The following DIP2B variants were observed in gnomAD, a reference collection of about 807,000 sequenced individuals.
The protein encoded by DIP2B is disco-interacting protein 2 homolog B.
DIP2B carries 76 observed loss-of-function variants against 198.0 expected under a neutral mutation model. The ratio of observed to expected loss-of-function variants is 0.38; its 90% confidence interval spans 0.32 to 0.46. DIP2B has a LOEUF of 0.46. Among genes scored for constraint, DIP2B ranks in the 20% least tolerant of loss-of-function variants. The probability of loss-of-function intolerance (pLI) is 0.99; values close to 1 mark genes in which losing one functional copy is unlikely to be tolerated. For missense variants in DIP2B, 1,559 were observed against 1,978.4 expected (o/e 0.79, Z 4.02); for synonymous variants, 701 against 739.1 (o/e 0.95, Z 0.84).
chr12:50,612,640 G>T (rs1273886820), intron 1 of DIP2B, among the ~76,000 whole-genome samples: 1 of 151,968 alleles, frequency 6.6e-6, no homozygotes, highest in African/African-American at 2.4e-5. Context: ...TGTTGACCAG[G>T]GTTGTCTTGA....
chr12:50,732,408 G>A lies in DIP2B; in HGVS notation c.3853G>A (p.Val1285Met), dbSNP rs1271091176. The A allele has an allele frequency of 6.2e-7, 1 of 1,614,106 alleles. No homozygotes were observed. Among genetic ancestry groups the A allele is most frequent in the East Asian group, 2.2e-5 (1 of 44,896 alleles). Reference protein sequence around the residue: ...NLSCVRTCVVVAEERPRVALQ... With the variant: ...NLSCVRTCVVMAEERPRVALQ... ...CTCCTGCGTCCGGACCTGTGTGGTGGTGGCGGAGGAGAGGCCCCGCGTTGC... is the reference window on the plus strand; with the variant it reads ...CTCCTGCGTCCGGACCTGTGTGGTGATGGCGGAGGAGAGGCCCCGCGTTGC... Residue 1285 changes from valine (V) to methionine (M), a missense_variant, in exon 32 of 38, where the codon GTG becomes ATG. Physicochemically the swap from Val to Met is conservative, Grantham distance 21. Transcript: ENST00000301180.
intron 1 of DIP2B, among the ~76,000 whole-genome samples, chr12:50,585,695 TA>T (rs1958764434): frequency 6.6e-6 from 1 of 152,204 alleles, no homozygotes; most frequent in Non-Finnish European, 1.5e-5. Context: ...GTTTAGTTTT[TA>T]TTCAGAATGT....
At chr12:50,561,662 C>T (rs530651381) in intron 1 of DIP2B, among the ~76,000 whole-genome samples, 1 of 152,226 alleles carries the variant, frequency 6.6e-6, no homozygotes, top group East Asian at 1.9e-4. Flanking sequence ...GGCTGGAATG[C>T]AGTGGCATGA....
intron 1 of DIP2B, among the ~76,000 whole-genome samples, chr12:50,527,029 A>C (rs1252532001): frequency 6.6e-6 from 1 of 152,236 alleles, no homozygotes; most frequent in Non-Finnish European, 1.5e-5. Flanking sequence ...CAGACATTGT[A>C]ATAAAACCAA....
At chr12:50,726,082 G>A (rs1342285324) in intron 28 of DIP2B, among the ~76,000 whole-genome samples, 1 of 152,134 alleles carries the variant, frequency 6.6e-6, no homozygotes, top group Non-Finnish European at 1.5e-5. Flanking sequence ...GCACTTGAGT[G>A]GTCATAGGAG....
chr12:50,658,193 A>C (rs369548059), intron 3 of DIP2B, among the ~76,000 whole-genome samples: 1 of 151,982 alleles, frequency 6.6e-6, no homozygotes, highest in African/African-American at 2.4e-5. Flanking sequence ...CTGGAGTACA[A>C]TGGTGTGATC....
chr12:50,522,398 C>G (rs1958127945), intron 1 of DIP2B, among the ~76,000 whole-genome samples: 1 of 152,150 alleles, frequency 6.6e-6, no homozygotes, highest in Non-Finnish European at 1.5e-5. Flanking sequence ...GGAACCTATC[C>G]CAGCAGCTCA....
chr12:50,542,674 A>T (rs371767193), intron 1 of DIP2B, among the ~76,000 whole-genome samples: 14 of 152,316 alleles, frequency 9.2e-5, no homozygotes, highest in African/African-American at 3.4e-4. Flanking sequence ...GGATTTTAGT[A>T]TGTCATATGT....
rs551718514 is a variant in DIP2B at position 50,676,000 on chromosome 12, T to A, written c.916+552T>A. On this transcript the variant is annotated intron_variant, in intron 7 of 37. Transcript: ENST00000301180. ...GAATACTTAGTTTAAGTATTAAGTA[T>A]CTATCAGCCAATATAGGCACTTCTG... Among the ~76,000 whole-genome samples, 29 of 152,338 alleles carry A rather than the reference T, an allele frequency of 1.9e-4. No homozygotes were observed. In the East Asian group the frequency reaches 5.4e-3, roughly 28 times the overall value.
chr12:50,608,759 A>G (rs946572772), intron 1 of DIP2B, among the ~76,000 whole-genome samples: 1 of 152,156 alleles, frequency 6.6e-6, no homozygotes, highest in Non-Finnish European at 1.5e-5. Flanking sequence ...TCTTTGCAAT[A>G]CTCTGATTTC....
chr12:50,640,800 T>C lies in DIP2B; in HGVS notation c.249T>C (p.Ser83=), dbSNP rs745727513. Residue 83 remains serine, a synonymous_variant, in exon 3 of 38, where the codon TCT becomes TCC. Transcript: ENST00000301180. ...CTGCAGCTCAAACTTCTGCTCCCTCTAAGTACCACCGAACTCGATCTGGGG... is the reference window on the plus strand; with the variant it reads ...CTGCAGCTCAAACTTCTGCTCCCTCCAAGTACCACCGAACTCGATCTGGGG... ...APSAAQTSAP[S]KYHRTRSGGA... is the part of the protein sequence containing the mutation. The C allele has an allele frequency of 1.2e-6, 2 of 1,614,000 alleles. No homozygotes were observed. The highest frequency in any genetic ancestry group is 3.3e-5 in the Admixed American group (2 of 60,016).
At chr12:50,730,737 G>A (rs1011355005) in intron 30 of DIP2B, among the ~76,000 whole-genome samples, 6 of 152,032 alleles carry the variant, frequency 3.9e-5, no homozygotes, top group African/African-American at 9.6e-5. Context: ...TGTAATTATC[G>A]GCCTTTGTAA....
At chr12:50,683,066 T>G in intron 9 of DIP2B, 72 bp from the exon 10 acceptor site, 1 of 1,223,162 alleles carries the variant, frequency 8.2e-7, no homozygotes, top group Admixed American at 2.2e-5. Flanking sequence ...TATTACATAC[T>G]TAGACAGTGA....
chr12:50,537,920 A>G (rs1300903722), intron 1 of DIP2B, among the ~76,000 whole-genome samples: 1 of 152,236 alleles, frequency 6.6e-6, no homozygotes, highest in Non-Finnish European at 1.5e-5. Context: ...GCAGAATCAG[A>G]GGCTAGATTG....
At chr12:50,530,326 C>T (rs971519066) in intron 1 of DIP2B, among the ~76,000 whole-genome samples, 3 of 152,288 alleles carry the variant, frequency 2.0e-5, no homozygotes, top group Middle Eastern at 3.4e-3. Flanking sequence ...ATGATCTGCC[C>T]GCCTCAGCCT....
chr12:50,712,280 C>T (rs1021021145), intron 22 of DIP2B, among the ~76,000 whole-genome samples: 11 of 152,040 alleles, frequency 7.2e-5, no homozygotes, highest in East Asian at 3.8e-4. Flanking sequence ...ATGGGTAATA[C>T]GGTAGAAACC....
intron 3 of DIP2B, among the ~76,000 whole-genome samples, chr12:50,647,588 A>G (rs1938372630): frequency 6.6e-6 from 1 of 152,210 alleles, no homozygotes. Flanking sequence ...AAATTAAGGA[A>G]AAATGGCATG....
chr12:50,742,173 G>A (rs4768913), intron 37 of DIP2B, among the ~76,000 whole-genome samples: 36,945 of 151,334 alleles, frequency 0.24, 5,259 homozygotes, highest in East Asian at 0.4. Flanking sequence ...CAAGGCGGGC[G>A]GATCGCTTAA....
At chr12:50,523,832 T>A (rs185651862) in intron 1 of DIP2B, among the ~76,000 whole-genome samples, 49 of 152,308 alleles carry the variant, frequency 3.2e-4, no homozygotes, top group Middle Eastern at 3.4e-3. Flanking sequence ...TTATAAAATA[T>A]TTTAAAATAA....
Sources: gnomAD v4.1 joint callset for allele counts (sites outside exome capture counted in the v4.1 genomes callset) on GRCh38, gnomAD v4.1.1 for gene constraint, MANE v1.5 for transcripts, NCBI Gene and HGNC (gene_info 2026-07-23, HGNC 2026-07-21) for gene names.